The following PHLDB2 variants were observed in gnomAD, a reference collection of about 807,000 sequenced individuals.
The protein encoded by PHLDB2 is pleckstrin homology like domain family B member 2.
In PHLDB2, 71 loss-of-function variants were observed where a neutral mutation model predicts 123.6. The ratio of observed to expected loss-of-function variants is 0.57; its 90% CI spans 0.47 to 0.70. The LOEUF (loss-of-function observed/expected upper bound fraction) is 0.70. PHLDB2 is among the 30% of genes least tolerant of loss of function. The pLI, the probability that PHLDB2 is intolerant of heterozygous loss-of-function variation, is 0.00. For synonymous variants in PHLDB2, 547 were observed against 541.6 expected (o/e 1.01, Z -0.14); for missense variants, 1,446 against 1,519.5 (o/e 0.95, Z 0.80).
At chr3:111,775,842 G>A (rs983414804) in intron 1 of PHLDB2, among the ~76,000 whole-genome samples, 1 of 152,156 alleles carries the variant, frequency 6.6e-6, no homozygotes, top group African/African-American at 2.4e-5. Context: ...ATTAGTGAGA[G>A]CTCAGAATTT....
intron 1 of PHLDB2, among the ~76,000 whole-genome samples, chr3:111,866,166 G>A (rs1343278877): frequency 6.6e-6 from 1 of 151,536 alleles, no homozygotes; most frequent in African/African-American, 2.4e-5. Context: ...TTACAGGCAT[G>A]CACCACCACA....
chr3:111,888,699 T>C (rs1289749755), intron 2 of PHLDB2, among the ~76,000 whole-genome samples: 1 of 152,238 alleles, frequency 6.6e-6, no homozygotes, highest in Non-Finnish European at 1.5e-5. Flanking sequence ...TAGAGATAAC[T>C]GCATTTTAGT....
At chr3:111,962,066 GA>G in intron 12 of PHLDB2, 41 bp from the exon 13 acceptor site, 6 of 1,560,528 alleles carry the variant, frequency 3.8e-6, no homozygotes, top group Admixed American at 2.0e-5. Flanking sequence ...TTCAAAGACT[GA>G]AAAATGAGGC....
At chr3:111,855,457 CCT>C (rs1432376925), upstream of PHLDB2, among the ~76,000 whole-genome samples, 3 of 149,282 alleles carry the variant, frequency 2.0e-5, no homozygotes, top group East Asian at 4.0e-4. Flanking sequence ...CCCGCGCTTC[CCT>C]CTTTTTCCTT....
chr3:111,825,222 T>G (rs572809387), intron 1 of PHLDB2, among the ~76,000 whole-genome samples: 1 of 152,314 alleles, frequency 6.6e-6, no homozygotes, highest in Admixed American at 6.5e-5. Flanking sequence ...CAAAAGGTTG[T>G]GACTTTGACA....
intron 2 of PHLDB2, among the ~76,000 whole-genome samples, chr3:111,898,398 G>A (rs111850393): frequency 0.016 from 2,399 of 152,080 alleles, 68 homozygotes; most frequent in African/African-American, 0.054. Context: ...GGCCAGGCTC[G>A]TCTCGAACTC....
intron 13 of PHLDB2, among the ~76,000 whole-genome samples, chr3:111,964,481 A>G (rs1180736241): frequency 6.6e-6 from 1 of 150,846 alleles, no homozygotes; most frequent in East Asian, 1.9e-4. Flanking sequence ...CTGAGATTAC[A>G]GGTACCCACC....
In PHLDB2 at chr3:111,884,710, G is replaced by A. The variant is rs375715630; in HGVS notation, c.633G>A (p.Met211Ile). ...CAAGCCCAAAGCAAGCCAGGAAAAT[G>A]AGCATTCAGGACAGCCTGGCGCTTC... is the stretch of plus-strand genomic sequence containing the variant. Reference protein sequence around the residue: ...MPSSPKQARKMSIQDSLALQP... With the variant: ...MPSSPKQARKISIQDSLALQP... Residue 211 changes from methionine to isoleucine, a missense_variant, in exon 2 of 18, where the codon ATG (methionine) becomes ATA (isoleucine). Physicochemically the swap from Met to Ile is conservative, Grantham distance 10 (BLOSUM62 1). Coordinates refer to ENST00000431670, the MANE Select transcript of PHLDB2 (RefSeq NM_001134438.2). The A allele has an allele frequency of 5.3e-5, 86 of 1,614,126 alleles. No individual in the cohort carries two copies. Among genetic ancestry groups the A allele is most frequent in the Admixed American group, 4.5e-4 (27 of 60,020 alleles).
At chr3:111,918,737 TG>T in intron 3 of PHLDB2, among the ~76,000 whole-genome samples, 1 of 152,240 alleles carries the variant, frequency 6.6e-6, no homozygotes. Flanking sequence ...TCTGTTATGC[TG>T]AACTTTCTCT....
chr3:111,794,229 A>G (rs73855627), intron 1 of PHLDB2, among the ~76,000 whole-genome samples: 13,511 of 151,940 alleles, frequency 0.089, 1,277 homozygotes, highest in African/African-American at 0.24. Flanking sequence ...CCCTCCATGG[A>G]CACTTGCCGA....
At chr3:111,830,969 GAAAGAA>G (rs1559855018) in intron 1 of PHLDB2, among the ~76,000 whole-genome samples, 20 of 30,376 alleles carry the variant, frequency 6.6e-4, no homozygotes, top group African/African-American at 3.9e-3. Context: ...AAGAAAGAAA[GAAAGAA>G]AGAAAGAAAG....
intron 1 of PHLDB2, among the ~76,000 whole-genome samples, chr3:111,880,694 A>T (rs780619517): frequency 6.7e-6 from 1 of 148,944 alleles, no homozygotes; most frequent in Non-Finnish European, 1.5e-5. Context: ...TTTTTTTTTC[A>T]AGATCGGGCA....
chr3:111,866,214 C>T (rs143563755), intron 1 of PHLDB2, among the ~76,000 whole-genome samples: 404 of 151,864 alleles, frequency 2.7e-3, no homozygotes, highest in African/African-American at 9.3e-3. Flanking sequence ...GATGGGGTTT[C>T]GCCATATTGG....
At chr3:111,830,019 A>C (rs1049644540) in intron 1 of PHLDB2, among the ~76,000 whole-genome samples, 5 of 148,634 alleles carry the variant, frequency 3.4e-5, no homozygotes, top group African/African-American at 1.3e-4. Flanking sequence ...GTCTACTCTC[A>C]ATTTCAACTT....
intron 2 of PHLDB2, among the ~76,000 whole-genome samples, chr3:111,898,705 A>G (rs184025039): frequency 6.6e-6 from 1 of 152,348 alleles, no homozygotes; most frequent in East Asian, 1.9e-4. Context: ...AAACGTTAAC[A>G]GCACCTTTAC....
At chr3:111,912,092 G>A (rs1237154731) in intron 2 of PHLDB2, among the ~76,000 whole-genome samples, 2 of 152,206 alleles carry the variant, frequency 1.3e-5, no homozygotes, top group African/African-American at 4.8e-5. Flanking sequence ...CCTCTTCTCA[G>A]TGTGGTAAAT....
intron 13 of PHLDB2, among the ~76,000 whole-genome samples, chr3:111,962,710 AC>A (rs1373059683): frequency 6.6e-6 from 1 of 152,052 alleles, no homozygotes; most frequent in East Asian, 1.9e-4. Context: ...TGAGTGGATC[AC>A]CTGAGGTCAG....
intron 10 of PHLDB2, among the ~76,000 whole-genome samples, chr3:111,951,666 A>G (rs2070726796): frequency 6.6e-6 from 1 of 152,174 alleles, no homozygotes; most frequent in South Asian, 2.1e-4. Flanking sequence ...TGGTGGGAAT[A>G]TGAATATCTC....
chr3:111,825,423 A>T (rs968323397), intron 1 of PHLDB2, among the ~76,000 whole-genome samples: 4 of 152,220 alleles, frequency 2.6e-5, no homozygotes, highest in African/African-American at 7.2e-5. Flanking sequence ...AAAAATAGCC[A>T]TTCTACATTG....
Sources: gnomAD v4.1 joint callset for allele counts (sites outside exome capture counted in the v4.1 genomes callset) on GRCh38, gnomAD v4.1.1 for gene constraint, MANE v1.5 for transcripts, NCBI Gene and HGNC (gene_info 2026-07-23, HGNC 2026-07-21) for gene names.